Variants in EPB41L4B observed in about 807,000 individuals in gnomAD.
EPB41L4B encodes band 4.1-like protein 4B.
EPB41L4B carries 30 observed loss-of-function variants against 112.5 expected under a neutral mutation model. That is an observed-to-expected ratio of 0.27 (90% CI 0.20 to 0.36). The LOEUF (loss-of-function observed/expected upper bound fraction) is 0.36. Among genes scored for constraint, EPB41L4B ranks in the 10% least tolerant of loss-of-function variants. The pLI, the probability that EPB41L4B is intolerant of heterozygous loss-of-function variation, is 1.00. For synonymous variants in EPB41L4B, 408 were observed against 439.7 expected (o/e 0.93, Z 0.90); for missense variants, 1,024 against 1,133.3 (o/e 0.90, Z 1.38).
chr9:109,237,608 G>A (rs1357716250), intron 15 of EPB41L4B, among the ~76,000 whole-genome samples: 8 of 152,326 alleles, frequency 5.3e-5, no homozygotes, highest in Admixed American at 3.9e-4. Flanking sequence ...AATGATGCCT[G>A]TGGGGACAGG....
intron 1 of EPB41L4B, among the ~76,000 whole-genome samples, chr9:109,290,756 T>TCA (rs138900441): frequency 0.015 from 2,182 of 141,392 alleles, 20 homozygotes; most frequent in South Asian, 0.032. Context: ...TATATATACC[T>TCA]CACACACACA....
At chr9:109,276,545 G>A (rs79624517) in intron 2 of EPB41L4B, among the ~76,000 whole-genome samples, 5 of 152,284 alleles carry the variant, frequency 3.3e-5, no homozygotes, top group East Asian at 1.9e-4. Flanking sequence ...GAGGACCCTC[G>A]CCCTCCCACC....
rs550517776 is a variant in EPB41L4B at position 109,189,331 on chromosome 9, A to C, written c.2301+2947T>G. On this transcript the variant is annotated intron_variant, in intron 22 of 25. Coordinates refer to ENST00000374566, the MANE Select transcript of EPB41L4B (RefSeq NM_019114.5). ...GGAAAAGGAGGGGGAAGAAACCTAC[A>C]AAAGCGAAGTTGGAAAGAGTGTTTC... Among the ~76,000 whole-genome samples, 19 of 152,370 alleles carry C rather than the reference A, an allele frequency of 1.2e-4. No homozygotes were observed. In the South Asian group the frequency reaches 3.5e-3, roughly 28 times the overall value.
At chr9:109,248,350 T>A (rs1294133588) in intron 13 of EPB41L4B, among the ~76,000 whole-genome samples, 1 of 152,212 alleles carries the variant, frequency 6.6e-6, no homozygotes, top group Non-Finnish European at 1.5e-5. Flanking sequence ...ACTGGGAACT[T>A]CACATCTGTT....
intron 2 of EPB41L4B, among the ~76,000 whole-genome samples, chr9:109,274,699 C>T (rs901076986): frequency 6.6e-6 from 1 of 152,156 alleles, no homozygotes; most frequent in Non-Finnish European, 1.5e-5. Flanking sequence ...AGCCGTATAG[C>T]CAAGTGGAAA....
chr9:109,263,974 AC>A lies in EPB41L4B; in HGVS notation c.579-873del, dbSNP rs1327214113. 2.0e-5 allele frequency among the ~76,000 whole-genome samples: 3 copies of A among 152,258 alleles called. No homozygotes were observed. The East Asian group carries it at 5.8e-4, about 29-fold the overall frequency. ...GGTGTTGCCATTAATATTTTTCCAAACCGAAGACAATTTCTAGAGTTACACA... is the reference window on the plus strand; with the variant it reads ...GGTGTTGCCATTAATATTTTTCCAAACGAAGACAATTTCTAGAGTTACACA... On this transcript the variant is annotated intron_variant, in intron 5 of 25. Transcript: ENST00000374566.
In EPB41L4B at chr9:109,320,877, G is replaced by C. The variant is rs1385238598; in HGVS notation, c.-431C>G. ...GCCAGCCGGAGCAGGGCGCCTGCGTGGTCCTGGCGCGCTCGCTCCCACTCG... is the reference window on the plus strand; with the variant it reads ...GCCAGCCGGAGCAGGGCGCCTGCGTCGTCCTGGCGCGCTCGCTCCCACTCG... On this transcript the variant is annotated 5_prime_UTR_variant, in exon 1 of 26. Transcript: ENST00000374566. 2 of 147,872 alleles carry C rather than the reference G, an allele frequency of 1.4e-5. No homozygotes were observed. The highest frequency in any genetic ancestry group is 3.0e-5 in the Non-Finnish European group (2 of 66,214). The allele number at this position is 147,872 out of a possible 1,614,324, so 9.2% of individuals were successfully genotyped here.
At chr9:109,213,156 T>C (rs954024687) in intron 17 of EPB41L4B, among the ~76,000 whole-genome samples, 3 of 152,170 alleles carry the variant, frequency 2.0e-5, no homozygotes, top group Non-Finnish European at 2.9e-5. Context: ...ATTGAGAAGG[T>C]TGAACTAAAT....
intron 15 of EPB41L4B, among the ~76,000 whole-genome samples, chr9:109,231,043 C>T (rs1253878290): frequency 6.6e-6 from 1 of 151,702 alleles, no homozygotes; most frequent in African/African-American, 2.4e-5. Context: ...CCTGTAGTCC[C>T]AGCTACCCAG....
intron 2 of EPB41L4B, among the ~76,000 whole-genome samples, chr9:109,272,570 T>C (rs1271549553): frequency 6.6e-6 from 1 of 152,114 alleles, no homozygotes; most frequent in African/African-American, 2.4e-5. Flanking sequence ...CTGGACAACA[T>C]GGTAAAATCC....
chr9:109,286,533 G>A (rs774367582), intron 1 of EPB41L4B, among the ~76,000 whole-genome samples: 5 of 152,132 alleles, frequency 3.3e-5, no homozygotes, highest in African/African-American at 4.8e-5. Flanking sequence ...TTACTGTGAC[G>A]AGCCTGGAAA....
At chr9:109,290,595 A>G (rs1836486395) in intron 1 of EPB41L4B, among the ~76,000 whole-genome samples, 1 of 152,074 alleles carries the variant, frequency 6.6e-6, no homozygotes, top group Non-Finnish European at 1.5e-5. Context: ...AGAAGGCACC[A>G]ACCTCAAGGC....
At chr9:109,304,997 C>T (rs1402395683) in intron 1 of EPB41L4B, among the ~76,000 whole-genome samples, 2 of 152,022 alleles carry the variant, frequency 1.3e-5, no homozygotes, top group Admixed American at 6.6e-5. Flanking sequence ...CTAAATGTCA[C>T]TAATGGTCGA....
In EPB41L4B at chr9:109,305,930, AT is replaced by A. The variant is rs1400350282; in HGVS notation, c.306+14210del. ...CAGAGCGAGACTCTGTCTCAAAAAA[AT>A]ATAATTAAATTAAATTAAAAAAATA... On this transcript the variant is annotated intron_variant, in intron 1 of 25. Coordinates refer to ENST00000374566, the MANE Select transcript of EPB41L4B (RefSeq NM_019114.5). 3.3e-5 allele frequency among the ~76,000 whole-genome samples: 5 copies of A among 152,100 alleles called. No individual in the cohort carries two copies. In the East Asian group the frequency reaches 9.6e-4, roughly 29 times the overall value.
intron 18 of EPB41L4B, among the ~76,000 whole-genome samples, chr9:109,205,458 T>A (rs1201540943): frequency 6.6e-6 from 1 of 152,240 alleles, no homozygotes; most frequent in African/African-American, 2.4e-5. Context: ...AACTTTCTAA[T>A]GTAGATAATT....
At chr9:109,287,395 G>C (rs1836330584) in intron 1 of EPB41L4B, among the ~76,000 whole-genome samples, 1 of 152,180 alleles carries the variant, frequency 6.6e-6, no homozygotes, top group African/African-American at 2.4e-5. Flanking sequence ...GAAGAACAAA[G>C]AAGATAGAAA....
chr9:109,252,747 C>T (rs62576382), intron 12 of EPB41L4B, among the ~76,000 whole-genome samples: 2,092 of 152,216 alleles, frequency 0.014, 21 homozygotes, highest in Middle Eastern at 0.024. Flanking sequence ...ACAAACTGGG[C>T]GTCCTAAGTC....
chr9:109,315,931 A>G (rs1837617658), intron 1 of EPB41L4B, among the ~76,000 whole-genome samples: 1 of 147,562 alleles, frequency 6.8e-6, no homozygotes, highest in Non-Finnish European at 1.5e-5. Context: ...CTGGCACAGC[A>G]TTTTTTTTTT....
intron 17 of EPB41L4B, among the ~76,000 whole-genome samples, chr9:109,209,312 C>T (rs576274388): frequency 5.9e-5 from 9 of 151,668 alleles, no homozygotes; most frequent in African/African-American, 1.7e-4. Context: ...AATAGCAAGA[C>T]GGCAGAGACA....
Sources: allele counts gnomAD v4.1 joint callset (sites outside exome capture counted in the v4.1 genomes callset), GRCh38; gene constraint gnomAD v4.1.1; transcripts MANE v1.5; gene names NCBI Gene and HGNC (gene_info 2026-07-23, HGNC 2026-07-21).